The following CNTFR variants were observed in gnomAD, a reference collection of about 807,000 sequenced individuals.
CNTFR encodes the protein ciliary neurotrophic factor receptor, also known as ciliary neurotrophic factor receptor subunit alpha.
Under a neutral mutation model 40.4 loss-of-function variants are expected in CNTFR, and 12 were observed. The ratio of observed to expected loss-of-function variants is 0.30; its 90% confidence interval spans 0.19 to 0.48. The LOEUF (loss-of-function observed/expected upper bound fraction) is 0.48, where lower values mean the gene tolerates loss of function less well. Among genes scored for constraint, CNTFR ranks in the 20% least tolerant of loss-of-function variants. CNTFR has a pLI of 0.99. For missense variants in CNTFR, 414 were observed against 506.8 expected (o/e 0.82, Z 1.76); for synonymous variants, 202 against 209.6 (o/e 0.96, Z 0.31).
chr9:34,562,054 C>T (rs973044731), intron 4 of CNTFR, among the ~76,000 whole-genome samples: 9 of 152,176 alleles, frequency 5.9e-5, no homozygotes, highest in African/African-American at 2.2e-4. Context: ...TCCCCTCCAA[C>T]GACCTCTCAA....
Position 34,589,434 on chromosome 9 carries a change from C to T in CNTFR, c.-112+121G>A, listed in dbSNP as rs1053127366. On this transcript the variant is annotated intron_variant, in intron 1 of 9. Transcript: ENST00000378980. This position sits in a 1 kb window ranked among gnomAD's most constrained non-coding sequence, Gnocchi z 4.4. ...AAGTTTCTCGTGAACTTTCCTGTCGCCCCCGTCCGTGGGCCCACGGGTGTC... is the reference window on the plus strand; with the variant it reads ...AAGTTTCTCGTGAACTTTCCTGTCGTCCCCGTCCGTGGGCCCACGGGTGTC... The T allele has an allele frequency of 1.3e-5, 2 of 151,766 alleles. No homozygotes were observed. The highest frequency in any genetic ancestry group is 4.8e-5 in the African/African-American group (2 of 41,358). The allele number at this position is 151,766 out of a possible 1,614,324, so 9.4% of individuals were successfully genotyped here. A position where few individuals can be genotyped will look rare whatever the true frequency, so the allele number is the denominator to read the frequency against.
chr9:34,566,921 G>A (rs1247488203), intron 3 of CNTFR, among the ~76,000 whole-genome samples: 6 of 152,142 alleles, frequency 3.9e-5, no homozygotes, highest in African/African-American at 7.2e-5. Flanking sequence ...TAAAGGCAGG[G>A]CAGAACGAAA....
At chr9:34,572,156 TCTGCCC>T (rs532202248) in intron 2 of CNTFR, among the ~76,000 whole-genome samples, 185 of 151,848 alleles carry the variant, frequency 1.2e-3, no homozygotes, top group African/African-American at 4.1e-3. Context: ...AAACCCCATC[TCTGCCC>T]CTGCCCCTGC....
At chr9:34,577,643 C>G (rs905822935) in intron 2 of CNTFR, among the ~76,000 whole-genome samples, 5 of 121,066 alleles carry the variant, frequency 4.1e-5, no homozygotes, top group Admixed American at 3.3e-4. Context: ...GGGCCTCTCT[C>G]TCTGTAGCCC....
chr9:34,572,185 C>T (rs1341860912), intron 2 of CNTFR, among the ~76,000 whole-genome samples: 2 of 151,944 alleles, frequency 1.3e-5, no homozygotes, highest in Admixed American at 6.6e-5. Context: ...CTGCCCTGCC[C>T]CTGCAGATCC....
chr9:34,573,957 G>A (rs1327332128), intron 2 of CNTFR, among the ~76,000 whole-genome samples: 1 of 152,252 alleles, frequency 6.6e-6, no homozygotes, highest in Non-Finnish European at 1.5e-5. Flanking sequence ...TGGTGGGCAG[G>A]GAGGAACAGT....
In CNTFR at chr9:34,557,419, C is replaced by G; in HGVS notation, c.604+107G>C. The G allele has an allele frequency of 7.9e-7, 1 of 1,267,266 alleles. No individual in the cohort carries two copies. The highest frequency in any genetic ancestry group is 1.4e-5 in the South Asian group (1 of 71,308). The allele number at this position is 1,267,266 out of a possible 1,614,324, so 78.5% of individuals were successfully genotyped here. ...GTACATACCTGTGCAGAGGCATGTA[C>G]ATGCCATGTATACATGTGCATGCAT... On this transcript the variant is annotated intron_variant, in intron 6 of 9. Transcript: ENST00000378980. The surrounding 1 kb of genome is among the most constrained non-coding windows in gnomAD (Gnocchi z 4.2).
At chr9:34,587,951 G>A (rs958113579) in intron 1 of CNTFR, among the ~76,000 whole-genome samples, 5 of 152,164 alleles carry the variant, frequency 3.3e-5, no homozygotes, top group African/African-American at 1.2e-4. Context: ...CTGGATATGA[G>A]CCCCACAACG....
chr9:34,574,139 G>T (rs1339442639), intron 2 of CNTFR, among the ~76,000 whole-genome samples: 1 of 151,918 alleles, frequency 6.6e-6, no homozygotes, highest in Non-Finnish European at 1.5e-5. Context: ...GGCTTGGGGG[G>T]TGGGGGGACC....
At chr9:34,586,423 T>C (rs1300200376) in intron 1 of CNTFR, among the ~76,000 whole-genome samples, 1 of 152,154 alleles carries the variant, frequency 6.6e-6, no homozygotes, top group Non-Finnish European at 1.5e-5. Flanking sequence ...GAGGCTGTTA[T>C]CTCTCCTACA....
chr9:34,575,176 T>G (rs571426596), intron 2 of CNTFR, among the ~76,000 whole-genome samples: 1 of 152,286 alleles, frequency 6.6e-6, no homozygotes, highest in South Asian at 2.1e-4. Context: ...TCTGGAGAGC[T>G]TCACAGAACC....
At chr9:34,574,521 T>C (rs1252377047) in intron 2 of CNTFR, among the ~76,000 whole-genome samples, 2 of 152,120 alleles carry the variant, frequency 1.3e-5, no homozygotes, top group Non-Finnish European at 1.5e-5. Context: ...TACCCAAGCT[T>C]AGGCCCTGTC....
intron 1 of CNTFR, among the ~76,000 whole-genome samples, chr9:34,584,037 A>G (rs1409468921): frequency 6.6e-6 from 1 of 152,206 alleles, no homozygotes; most frequent in African/African-American, 2.4e-5. Context: ...GGCTGAGAGC[A>G]GGGGCTCTGA....
At chr9:34,573,942 G>A (rs751130865) in intron 2 of CNTFR, among the ~76,000 whole-genome samples, 7 of 152,252 alleles carry the variant, frequency 4.6e-5, no homozygotes, top group Non-Finnish European at 1.0e-4. Context: ...ACAGGGACAA[G>A]GACATGGTGG....
rs2132131547 is a variant in CNTFR, at chr9:34,557,687, C to G, written c.443G>C (p.Gly148Ala). The G allele has an allele frequency of 1.2e-6, 2 of 1,614,124 alleles. No individual in the cohort carries two copies. Among genetic ancestry groups the G allele is most frequent in the South Asian group, 2.2e-5 (2 of 91,080 alleles). Residue 148 changes from glycine (G) to alanine (A), a missense_variant, in exon 6 of 10, where the codon GGC (glycine) becomes GCC (alanine). By Grantham distance (60) the Gly-to-Ala change is moderately conservative (BLOSUM62 0). This residue lies in a region of CNTFR where 250 missense variants were observed against 269.5 expected (regional missense o/e 0.93). Coordinates refer to ENST00000378980, the MANE Select transcript of CNTFR (RefSeq NM_147164.3). This position sits in a 1 kb window ranked among gnomAD's most constrained non-coding sequence, Gnocchi z 4.2. ...CTTCTCACAGACCATAATTTTGGAG[C>G]CATGCCTGGGGAGAGGTGAGACCCA... ...PNTFNVTVLH[G>A]SKIMVCEKDP...
intron 4 of CNTFR, among the ~76,000 whole-genome samples, chr9:34,562,393 C>T (rs553264900): frequency 1.3e-5 from 2 of 152,134 alleles, no homozygotes; most frequent in South Asian, 2.1e-4. Flanking sequence ...GGGTTTTGAA[C>T]GCCATCTCTT....
chr9:34,556,118 A>C (rs1825825575), intron 7 of CNTFR, 137 bp downstream of exon 7: 1 of 1,005,436 alleles, frequency 9.9e-7, no homozygotes, highest in South Asian at 1.5e-5. Context: ...TCCCAGGCCC[A>C]CCTGTCCCTT....
chr9:34,577,931 G>A (rs1827071270), intron 2 of CNTFR, among the ~76,000 whole-genome samples: 1 of 151,278 alleles, frequency 6.6e-6, no homozygotes, highest in Non-Finnish European at 1.5e-5. Flanking sequence ...AGGCGGGCTG[G>A]GCGGGCTGGC....
chr9:34,574,715 G>C (rs2132218325), intron 2 of CNTFR, among the ~76,000 whole-genome samples: 1 of 152,356 alleles, frequency 6.6e-6, no homozygotes, highest in East Asian at 1.9e-4. Flanking sequence ...GCCGGAGATG[G>C]GGTCCTGGAG....
Sources: allele counts gnomAD v4.1 joint callset (sites outside exome capture counted in the v4.1 genomes callset), GRCh38; gene constraint gnomAD v4.1.1; regional missense constraint gnomAD v4.1.1; non-coding constraint Gnocchi (gnomAD v3.1); transcripts MANE v1.5; gene names NCBI Gene and HGNC (gene_info 2026-07-23, HGNC 2026-07-21).